Variants in L3MBTL4 observed in about 807,000 individuals in gnomAD.
L3MBTL4 encodes lethal(3)malignant brain tumor-like protein 4.
L3MBTL4 carries 70 observed loss-of-function variants against 84.5 expected under a neutral mutation model. The observed-to-expected ratio is 0.83, with a 90% confidence interval of 0.68 to 1.01. The LOEUF is 1.01. Ranked by LOEUF, L3MBTL4 falls within the 50% of genes least tolerant of loss-of-function variation. L3MBTL4 has a pLI of 0.00. For synonymous variants in L3MBTL4, 274 were observed against 259.8 expected (o/e 1.05, Z -0.52); for missense variants, 715 against 754.8 (o/e 0.95, Z 0.62).
Position 6,295,323 on chromosome 18 carries a change from T to TCC in L3MBTL4, c.127+6579_127+6580insGG, listed in dbSNP as rs1389394047. On this transcript the variant is annotated intron_variant, in intron 4 of 18. Transcript: ENST00000317931. ...CAACAACAACAACTCTCTCTCTCTC[T>TCC]CTCTCTCTCTCTCTCTCTCTCTCTA... 1.1e-4 allele frequency among the ~76,000 whole-genome samples: 13 copies of TCC among 122,788 alleles called. 1 individual carries two copies. Among genetic ancestry groups the TCC allele is most frequent in the African/African-American group, 4.9e-4 (13 of 26,430 alleles). 80.6% of individuals were successfully genotyped at this position (122,788 alleles called of 152,430 possible).
chr18:6,281,211 A>C (rs1468776272), intron 4 of L3MBTL4, among the ~76,000 whole-genome samples: 1 of 152,234 alleles, frequency 6.6e-6, no homozygotes, highest in Non-Finnish European at 1.5e-5. Flanking sequence ...TTAGTTTAAC[A>C]TAATAGTTGT....
chr18:6,280,048 T>A (rs1300719815), intron 4 of L3MBTL4, among the ~76,000 whole-genome samples: 1 of 152,186 alleles, frequency 6.6e-6, no homozygotes, highest in Non-Finnish European at 1.5e-5. Context: ...TTCAAATAAA[T>A]TCTTTTCAAA....
rs1312775706 is a variant in L3MBTL4 at position 6,048,443 on chromosome 18, G to C, written c.1444+32438C>G. On this transcript the variant is annotated intron_variant, in intron 16 of 18. Coordinates refer to ENST00000317931, the MANE Select transcript of L3MBTL4 (RefSeq NM_001330559.2). ...TAGCCAGAGTACCCTTAAGCAAAAA[G>C]AACAAAACTGGAGGCATCACATTAC... Among the ~76,000 whole-genome samples, 5 of 152,172 alleles carry C rather than the reference G, an allele frequency of 3.3e-5. No individual in the cohort carries two copies. In the South Asian group the frequency reaches 6.2e-4, roughly 19 times the overall value.
At chr18:6,031,070 C>T (rs2055776327) in intron 16 of L3MBTL4, 9 of 985,386 alleles carry the variant, frequency 9.1e-6, no homozygotes, top group Non-Finnish European at 1.1e-5. Flanking sequence ...CTTAATACAT[C>T]CAATTATTAA....
intron 4 of L3MBTL4, among the ~76,000 whole-genome samples, chr18:6,293,059 C>G (rs982905581): frequency 6.6e-6 from 1 of 152,164 alleles, no homozygotes; most frequent in South Asian, 2.1e-4. Flanking sequence ...TGTGTGCATA[C>G]CCCAACTATA....
chr18:6,132,216 T>C (rs531421392), intron 14 of L3MBTL4, among the ~76,000 whole-genome samples: 2 of 152,344 alleles, frequency 1.3e-5, no homozygotes, highest in African/African-American at 4.8e-5. Context: ...AGTTAAAATG[T>C]ATTTACCTGA....
chr18:6,256,237 A>G (rs1430070682), intron 5 of L3MBTL4, among the ~76,000 whole-genome samples: 5 of 152,220 alleles, frequency 3.3e-5, no homozygotes, highest in Admixed American at 6.5e-5. Context: ...TTCAGATTCT[A>G]TTTAATGTAT....
chr18:6,346,870 G>C lies in L3MBTL4; in HGVS notation c.-90-34814C>G, dbSNP rs185014930. On this transcript the variant is annotated intron_variant, in intron 1 of 18. Transcript: ENST00000317931. Reference sequence around the variant, plus strand: ...AAAATCAGTATCCAAAGAAATATTTGTACTCCCATATTCACTGCAGCAATA... The same window carrying C: ...AAAATCAGTATCCAAAGAAATATTTCTACTCCCATATTCACTGCAGCAATA... Among the ~76,000 whole-genome samples the C allele has an allele frequency of 8.5e-5, 13 of 152,146 alleles. No individual in the cohort carries two copies. The East Asian group carries it at 2.3e-3, about 27-fold the overall frequency.
At chr18:6,338,030 A>G (rs1036567105) in intron 1 of L3MBTL4, among the ~76,000 whole-genome samples, 2 of 152,096 alleles carry the variant, frequency 1.3e-5, no homozygotes, top group African/African-American at 4.8e-5. Context: ...AACCAAAAAA[A>G]CCCTAAGTAC....
At chr18:5,991,916 A>C (rs1032694354) in intron 16 of L3MBTL4, among the ~76,000 whole-genome samples, 1 of 150,866 alleles carries the variant, frequency 6.6e-6, no homozygotes, top group African/African-American at 2.4e-5. Flanking sequence ...TCTTCCCCCA[A>C]CTCTCACCGA....
At chr18:5,958,844 C>G (rs1040341364) in intron 18 of L3MBTL4, among the ~76,000 whole-genome samples, 31 of 152,140 alleles carry the variant, frequency 2.0e-4, no homozygotes, top group African/African-American at 6.8e-4. Flanking sequence ...AGTGACAGTA[C>G]TGGTCAGTGA....
chr18:6,307,288 T>C (rs187339931), intron 3 of L3MBTL4, among the ~76,000 whole-genome samples: 7 of 142,990 alleles, frequency 4.9e-5, no homozygotes, highest in Admixed American at 3.5e-4. Flanking sequence ...AAAAAAAAAA[T>C]GAGCTGAACG....
chr18:6,338,646 A>G lies in L3MBTL4; in HGVS notation c.-90-26590T>C, dbSNP rs186216184. 8.1e-4 allele frequency among the ~76,000 whole-genome samples: 123 copies of G among 152,164 alleles called. 1 individual carries two copies. The highest frequency in any genetic ancestry group is 3.7e-3 in the South Asian group (18 of 4,820). On this transcript the variant is annotated intron_variant, in intron 1 of 18. Transcript: ENST00000317931. ...TTGGTGACAAATATGAACAAATGTCATTAATTTTATTAAATGTAAAGGAGT... is the reference window on the plus strand; with the variant it reads ...TTGGTGACAAATATGAACAAATGTCGTTAATTTTATTAAATGTAAAGGAGT...
chr18:6,226,954 A>C (rs1327023290), intron 10 of L3MBTL4, among the ~76,000 whole-genome samples: 1 of 152,154 alleles, frequency 6.6e-6, no homozygotes, highest in Non-Finnish European at 1.5e-5. Flanking sequence ...ACAAATAGGT[A>C]AATTGTAGGT....
At chr18:6,063,821 C>A (rs71360013) in intron 16 of L3MBTL4, among the ~76,000 whole-genome samples, 40 of 151,978 alleles carry the variant, frequency 2.6e-4, no homozygotes, top group Admixed American at 2.4e-3. Flanking sequence ...GTTTACTCTG[C>A]TGATTATTTC....
intron 16 of L3MBTL4, among the ~76,000 whole-genome samples, chr18:5,980,135 A>G (rs2053139863): frequency 8.9e-6 from 1 of 111,950 alleles, no homozygotes. Context: ...TGACGTGCTG[A>G]CAGACATAGA....
chr18:6,050,662 C>G (rs965582781), intron 16 of L3MBTL4, among the ~76,000 whole-genome samples: 1 of 151,938 alleles, frequency 6.6e-6, no homozygotes, highest in Middle Eastern at 3.2e-3. Flanking sequence ...TCAGTAGCTC[C>G]ATGGGCTGCT....
In L3MBTL4 at chr18:6,045,151, T is replaced by C. The variant is rs376832732; in HGVS notation, c.1444+35730A>G. On this transcript the variant is annotated intron_variant, in intron 16 of 18. Transcript: ENST00000317931. ...AAAAGTAACTTTGCACCAGATCATA[T>C]ACAGAGGGAACCCCATCAGGCTAAC... Among the ~76,000 whole-genome samples, 132 of 152,330 alleles carry C rather than the reference T, an allele frequency of 8.7e-4. 3 individuals carry two copies. In the South Asian group the frequency reaches 0.027, roughly 31 times the overall value.
intron 16 of L3MBTL4, among the ~76,000 whole-genome samples, chr18:6,073,560 A>C (rs1010757592): frequency 6.6e-6 from 1 of 152,212 alleles, no homozygotes; most frequent in Non-Finnish European, 1.5e-5. Flanking sequence ...GATGAAGAAG[A>C]CATTACAAGA....
Sources: allele counts gnomAD v4.1 joint callset (sites outside exome capture counted in the v4.1 genomes callset), GRCh38; gene constraint gnomAD v4.1.1; transcripts MANE v1.5; gene names NCBI Gene and HGNC (gene_info 2026-07-23, HGNC 2026-07-21).